ENPP7: variants seen among roughly 807,000 people sequenced by gnomAD.
ENPP7 encodes the protein ectonucleotide pyrophosphatase/phosphodiesterase 7.
In ENPP7, 39 loss-of-function variants were observed where a neutral mutation model predicts 33.6. That is an observed-to-expected ratio of 1.16 (90% CI 0.90 to 1.52). The LOEUF (loss-of-function observed/expected upper bound fraction) is 1.52, where lower values mean the gene tolerates loss of function less well. Among genes scored for constraint, ENPP7 ranks in the 40% most tolerant of loss-of-function variants. The pLI is 0.00. For missense variants in ENPP7, 594 were observed against 641.0 expected (o/e 0.93, Z 0.79); for synonymous variants, 244 against 274.3 (o/e 0.89, Z 1.09).
chr17:79,735,077 G>A lies in ENPP7; in HGVS notation c.434G>A (p.Gly145Glu), dbSNP rs1555823199. The A allele has an allele frequency of 2.5e-6, 4 of 1,613,020 alleles. No individual in the cohort carries two copies. The highest frequency in any genetic ancestry group is 1.6e-4 in the Middle Eastern group (1 of 6,062). Residue 145 changes from glycine to glutamate, a missense_variant, in exon 3 of 6, where the codon GGG (glycine) becomes GAG (glutamate). By Grantham distance (98) the Gly-to-Glu change is moderately conservative (BLOSUM62 -2). This residue lies in a region of ENPP7 where 504 missense variants were observed against 512.8 expected (regional missense o/e 0.98). Transcript: ENST00000328313. The surrounding 1 kb of genome is among the most constrained non-coding windows in gnomAD (Gnocchi z 5.5). ...LRAGSFFYPGGNVTYQGVAVT... is the reference protein window; with the variant it reads ...LRAGSFFYPGENVTYQGVAVT... ...GCTGGCTCCTTCTTCTACCCGGGCG[G>A]GAACGTCACCTACCAAGGGGTGGCT...
chr17:79,736,927 C>T (rs1293037531), intron 3 of ENPP7, 114 bp from the exon 4 acceptor site: 5 of 785,998 alleles, frequency 6.4e-6, no homozygotes, highest in Non-Finnish European at 1.1e-5. Context: ...GGAACCCCTC[C>T]AGCCCTCACG....
chr17:79,741,613 G>A (rs1555824589), intron 5 of ENPP7, among the ~76,000 whole-genome samples, 181 bp from the exon 6 acceptor site: 1 of 150,684 alleles, frequency 6.6e-6, no homozygotes, highest in African/African-American at 2.5e-5. Context: ...TCTCAGCGCA[G>A]CCTGGTAGGG....
chr17:79,735,265 G>A lies in ENPP7; in HGVS notation c.622G>A (p.Glu208Lys), dbSNP rs782171118. 1.1e-5 allele frequency: 18 copies of A among 1,613,460 alleles called. No homozygotes were observed. Among genetic ancestry groups the A allele is most frequent in the Middle Eastern group, 1.6e-4 (1 of 6,062 alleles). The change falls in exon 3 of 6, where the codon GAG (glutamate) becomes AAG (lysine). Residue 208 changes from glutamate (E) to lysine (K), a missense_variant. Around this residue, in one of 3 missense-constraint regions of ENPP7, gnomAD observed 504 missense variants for 512.8 expected, o/e 0.98. Coordinates refer to ENST00000328313, the MANE Select transcript of ENPP7 (RefSeq NM_178543.5). This position sits in a 1 kb window ranked among gnomAD's most constrained non-coding sequence, Gnocchi z 5.5. ...PDSTGHRYGP[E>K]SPERREMVRQ... ...CTCCACGGGCCACAGGTACGGCCCC[G>A]AGTCCCCGGAGAGGAGGGAGATGGT...
In ENPP7 at chr17:79,735,272, C is replaced by G. The variant is rs371501251; in HGVS notation, c.629C>G (p.Pro210Arg). ...GGCCACAGGTACGGCCCCGAGTCCCCGGAGAGGAGGGAGATGGTGCGGCAG... is the reference window on the plus strand; with the variant it reads ...GGCCACAGGTACGGCCCCGAGTCCCGGGAGAGGAGGGAGATGGTGCGGCAG... The part of the protein sequence containing the change: ...STGHRYGPES[P>R]ERREMVRQVD... Residue 210 changes from proline (P) to arginine (R), a missense_variant, in exon 3 of 6, where the codon CCG (proline) becomes CGG (arginine). Around this residue, in one of 3 missense-constraint regions of ENPP7, gnomAD observed 504 missense variants for 512.8 expected, o/e 0.98. Transcript: ENST00000328313. This position sits in a 1 kb window ranked among gnomAD's most constrained non-coding sequence, Gnocchi z 5.5. The G allele has an allele frequency of 1.9e-6, 3 of 1,613,344 alleles. No individual in the cohort carries two copies. Among genetic ancestry groups the G allele is most frequent in the African/African-American group, 1.3e-5 (1 of 74,874 alleles).
At chr17:79,731,940 A>G (rs577944382) in intron 1 of ENPP7, among the ~76,000 whole-genome samples, 1 of 151,836 alleles carries the variant, frequency 6.6e-6, no homozygotes, top group East Asian at 1.9e-4. Flanking sequence ...TCTACTAAAA[A>G]TACAAACATT....
intron 2 of ENPP7, among the ~76,000 whole-genome samples, chr17:79,734,263 C>CATG (rs1354094865): frequency 4.0e-5 from 6 of 151,712 alleles, no homozygotes; most frequent in African/African-American, 1.5e-4. Flanking sequence ...AGAGCCCATG[C>CATG]CCACCCCAGA....
In ENPP7 at chr17:79,731,472, A is replaced by G; in HGVS notation, c.253+80A>G. The G allele has an allele frequency of 4.7e-6, 7 of 1,489,828 alleles. No individual in the cohort carries two copies. The South Asian group carries it at 8.0e-5, about 17-fold the overall frequency. 92.3% of individuals were successfully genotyped at this position (1,489,828 alleles called of 1,614,324 possible). On this transcript the variant is annotated intron_variant, in intron 1 of 5. Transcript: ENST00000328313. ...GGCACAGAGCCGTGTCGTGCAGGAT[A>G]AAGGGGAGAGGTCCTTGCTCCAGGC... is the stretch of plus-strand genomic sequence containing the variant.
intron 3 of ENPP7, among the ~76,000 whole-genome samples, chr17:79,736,758 C>T (rs1485700032): frequency 3.9e-5 from 6 of 152,242 alleles, no homozygotes; most frequent in African/African-American, 1.4e-4. Flanking sequence ...AGGCAGCGTT[C>T]AACACCGCAC....
intron 1 of ENPP7, among the ~76,000 whole-genome samples, chr17:79,731,769 C>T (rs2094285932): frequency 6.6e-6 from 1 of 152,180 alleles, no homozygotes; most frequent in Non-Finnish European, 1.5e-5. Flanking sequence ...CAGATCTGCC[C>T]AGGCTGTAGA....
chr17:79,732,119 TAC>T (rs1242050473), intron 1 of ENPP7, among the ~76,000 whole-genome samples: 2 of 49,778 alleles, frequency 4.0e-5, no homozygotes, highest in Non-Finnish European at 8.0e-5. Context: ...CATATATATA[TAC>T]ATATATATAT....
At position 79,741,968 on chromosome 17, in the gene ENPP7, C is replaced by A; in HGVS notation, c.*191C>A. On this transcript the variant is annotated 3_prime_UTR_variant, in exon 6 of 6. Transcript: ENST00000328313. ...ATGGTGCTGGTAATAAGCCTCGCAG[C>A]CCAGGTCCAGAGCCCCCGGCGAGCC... 1.0e-6 allele frequency: 1 copy of A among 985,620 alleles called. No individual in the cohort carries two copies. The allele number at this position is 985,620 out of a possible 1,614,324, so 61.1% of individuals were successfully genotyped here.
In ENPP7 at chr17:79,739,538, T is replaced by C. The variant is rs1555824243; in HGVS notation, c.*16+1476T>C. 1 of 151,738 alleles carries C rather than the reference T, an allele frequency of 6.6e-6. No homozygotes were observed. The highest frequency in any genetic ancestry group is 2.4e-5 in the African/African-American group (1 of 41,246). 9.4% of individuals were successfully genotyped at this position (151,738 alleles called of 1,614,324 possible). A position where few individuals can be genotyped will look rare whatever the true frequency, so the allele number is the denominator to read the frequency against. ...TTTGTGGACAGATTATGTGGGAGGG[T>C]GAAGAAAATGCAAAAATGAAAGATG... On this transcript the variant is annotated intron_variant, in intron 5 of 5. Transcript: ENST00000328313. This position sits in a 1 kb window ranked among gnomAD's most constrained non-coding sequence, Gnocchi z 4.4.
At chr17:79,733,417 C>A (rs1214872380) in intron 1 of ENPP7, 91 bp from the exon 2 acceptor site, 1 of 1,355,146 alleles carries the variant, frequency 7.4e-7, no homozygotes, top group Non-Finnish European at 1.0e-6. Context: ...GAAACCTGGG[C>A]TGTTTTGACT....
At chr17:79,740,331 G>A (rs781811493) in intron 5 of ENPP7, among the ~76,000 whole-genome samples, 6 of 152,160 alleles carry the variant, frequency 3.9e-5, no homozygotes, top group Admixed American at 2.6e-4. Context: ...CCTTCAGCCC[G>A]AACCCCTCAG....
intron 1 of ENPP7, among the ~76,000 whole-genome samples, chr17:79,732,777 C>G (rs1281760673): frequency 6.6e-6 from 1 of 152,210 alleles, no homozygotes; most frequent in Non-Finnish European, 1.5e-5. Flanking sequence ...TCTGCAAAGA[C>G]CCTATTTCTA....
Position 79,735,333 on chromosome 17 carries a change from C to A in ENPP7, c.690C>A (p.Ile230=). ...CCGTGGGCTACCTCCGGGAGAGCAT[C>A]GCGCGCAACCACCTCACAGACCGCC... ...DRTVGYLRES[I]ARNHLTDRLN... The change falls in exon 3 of 6, where the codon ATC becomes ATA. Residue 230 remains isoleucine (I), a synonymous_variant. Transcript: ENST00000328313. This position sits in a 1 kb window ranked among gnomAD's most constrained non-coding sequence, Gnocchi z 5.5. The A allele has an allele frequency of 6.2e-7, 1 of 1,613,606 alleles. No individual in the cohort carries two copies. Among genetic ancestry groups the A allele is most frequent in the Non-Finnish European group, 8.5e-7 (1 of 1,180,008 alleles).
chr17:79,732,110 A>G (rs892566784), intron 1 of ENPP7, among the ~76,000 whole-genome samples: 3 of 84,042 alleles, frequency 3.6e-5, no homozygotes, highest in Non-Finnish European at 7.5e-5. Flanking sequence ...ATATATATAC[A>G]TATATATATA....
At position 79,735,242 on chromosome 17, in the gene ENPP7, C is replaced by T; in HGVS notation, c.599C>T (p.Ser200Phe). Residue 200 changes from serine (S) to phenylalanine (F), a missense_variant, in exon 3 of 6, where the codon TCC becomes TTC. Physicochemically the swap from Ser to Phe is radical, Grantham distance 155. Transcript: ENST00000328313. This position sits in a 1 kb window ranked among gnomAD's most constrained non-coding sequence, Gnocchi z 5.5. ...LVTLYFGEPD[S>F]TGHRYGPESP... is the part of the protein sequence containing the mutation. The stretch of plus-strand genomic sequence containing the variant: ...ACACTCTACTTCGGGGAGCCGGACT[C>T]CACGGGCCACAGGTACGGCCCCGAG... The T allele has an allele frequency of 6.2e-7, 1 of 1,613,446 alleles. No homozygotes were observed. Among genetic ancestry groups the T allele is most frequent in the South Asian group, 1.1e-5 (1 of 91,084 alleles).
chr17:79,732,308 G>A (rs2094288152), intron 1 of ENPP7, among the ~76,000 whole-genome samples: 1 of 151,344 alleles, frequency 6.6e-6, no homozygotes, highest in African/African-American at 2.4e-5. Context: ...ATAATAAAAA[G>A]CCAAGTACCA....
Sources: gnomAD v4.1 joint callset for allele counts (sites outside exome capture counted in the v4.1 genomes callset) on GRCh38, gnomAD v4.1.1 for gene constraint, gnomAD v4.1.1 regional missense constraint, Gnocchi (gnomAD v3.1) non-coding constraint, MANE v1.5 for transcripts, NCBI Gene and HGNC (gene_info 2026-07-23, HGNC 2026-07-21) for gene names.